Variants in TENM3 observed in about 807,000 individuals in gnomAD.
TENM3 encodes teneurin transmembrane protein 3.
A neutral mutation model predicts 255.1 loss-of-function variants in TENM3; 63 were observed. That is an observed-to-expected ratio of 0.25 (90% CI 0.20 to 0.30). The LOEUF (loss-of-function observed/expected upper bound fraction) is 0.30. Ranked by LOEUF, TENM3 falls within the 10% of genes least tolerant of loss-of-function variation. The pLI is 1.00. For synonymous variants in TENM3, 1,306 were observed against 1,322.3 expected (o/e 0.99, Z 0.27); for missense variants, 2,929 against 3,461.1 (o/e 0.85, Z 3.86).
chr4:182,073,069 T>G, the TENM3 span, among the ~76,000 whole-genome samples: 1 of 152,142 alleles, frequency 6.6e-6, no homozygotes, highest in East Asian at 1.9e-4. Context: ...CTGGGTAATT[T>G]ATATAAAGAA....
At chr4:182,098,531 A>C in the TENM3 span, among the ~76,000 whole-genome samples, 4 of 152,248 alleles carry the variant, frequency 2.6e-5, no homozygotes, top group African/African-American at 7.2e-5. Context: ...GGTCATTTGC[A>C]ACACCACTGG....
At chr4:182,020,607 C>A in the TENM3 span, among the ~76,000 whole-genome samples, 1 of 152,172 alleles carries the variant, frequency 6.6e-6, no homozygotes, top group African/African-American at 2.4e-5. Context: ...GCTAATTACC[C>A]TGATTTGATC....
chr4:182,519,195 A>C (rs563306886), intron 3 of TENM3, among the ~76,000 whole-genome samples: 1 of 152,298 alleles, frequency 6.6e-6, no homozygotes, highest in East Asian at 1.9e-4. Flanking sequence ...TATGTCAATT[A>C]TTGTTATGTA....
At position 182,395,397 on chromosome 4, in the gene TENM3, A is replaced by G. The variant is rs75135566; in HGVS notation, c.511+48468A>G. 1.8e-4 allele frequency among the ~76,000 whole-genome samples: 27 copies of G among 152,312 alleles called. No homozygotes were observed. In the East Asian group the frequency reaches 4.6e-3, roughly 26 times the overall value. On this transcript the variant is annotated intron_variant, in intron 3 of 27. Transcript: ENST00000511685. Reference sequence around the variant, plus strand: ...TTTAGGGAGTACTGATTAATAGAGGATTAAAAAATAAAAATTAGTTTGGGT... The same window carrying G: ...TTTAGGGAGTACTGATTAATAGAGGGTTAAAAAATAAAAATTAGTTTGGGT...
chr4:182,430,800 T>A (rs1771571324), intron 3 of TENM3, among the ~76,000 whole-genome samples: 1 of 151,444 alleles, frequency 6.6e-6, no homozygotes, highest in Non-Finnish European at 1.5e-5. Flanking sequence ...TCACCTGAGG[T>A]CAGGTGTTTG....
At chr4:181,708,190 A>G in the TENM3 span, among the ~76,000 whole-genome samples, 1 of 152,236 alleles carries the variant, frequency 6.6e-6, no homozygotes, top group Non-Finnish European at 1.5e-5. Context: ...GTCTAATTAT[A>G]GCAGCATGGG....
rs530116893 is a variant in TENM3, at chr4:182,355,900, T to TTA, written c.511+8981_511+8982dup. On this transcript the variant is annotated intron_variant, in intron 3 of 27. Transcript: ENST00000511685. ...CAAGTTTCAGTAATTTATTAGCCAA[T>TTA]TATATATATATTATATATATATATA... 2.9e-3 allele frequency among the ~76,000 whole-genome samples: 428 copies of TTA among 149,266 alleles called. 1 individual carries two copies. Among genetic ancestry groups the TTA allele is most frequent in the South Asian group, 9.3e-3 (44 of 4,752 alleles).
At chr4:182,419,254 C>A (rs953015030) in intron 3 of TENM3, among the ~76,000 whole-genome samples, 2 of 152,122 alleles carry the variant, frequency 1.3e-5, no homozygotes, top group South Asian at 2.1e-4. Flanking sequence ...ATGCAGCCAA[C>A]AGACACATGA....
intron 1 of TENM3, among the ~76,000 whole-genome samples, chr4:182,311,732 C>T (rs1055354501): frequency 1.3e-5 from 2 of 152,166 alleles, no homozygotes; most frequent in African/African-American, 4.8e-5. Context: ...AATAATTCGT[C>T]AAGGAGCTTT....
intron 3 of TENM3, among the ~76,000 whole-genome samples, chr4:182,475,142 C>T (rs1040642383): frequency 4.4e-4 from 67 of 152,276 alleles, no homozygotes; most frequent in African/African-American, 1.6e-3. Flanking sequence ...AAATTCCTCA[C>T]TATTTCTGGA....
chr4:181,982,816 T>C, the TENM3 span, among the ~76,000 whole-genome samples: 1 of 152,184 alleles, frequency 6.6e-6, no homozygotes. Context: ...CACACTTTCA[T>C]CCAGTATTCT....
chr4:182,671,447 A>G (rs1329291638), intron 6 of TENM3, among the ~76,000 whole-genome samples: 1 of 152,074 alleles, frequency 6.6e-6, no homozygotes, highest in African/African-American at 2.4e-5. Context: ...CCTGTTCCTC[A>G]ATGTTTACCA....
chr4:182,633,994 T>C (rs893515293), intron 5 of TENM3, among the ~76,000 whole-genome samples: 2 of 152,136 alleles, frequency 1.3e-5, no homozygotes, highest in African/African-American at 4.8e-5. Context: ...AAGATGCACG[T>C]CCTGATTTAG....
the TENM3 span, among the ~76,000 whole-genome samples, chr4:181,872,757 G>T: frequency 6.6e-6 from 1 of 152,094 alleles, no homozygotes; most frequent in African/African-American, 2.4e-5. Context: ...AGAACGGACA[G>T]AGGTATTGAA....
chr4:182,493,739 A>G (rs1483565371), intron 3 of TENM3, among the ~76,000 whole-genome samples: 2 of 152,152 alleles, frequency 1.3e-5, no homozygotes, highest in Non-Finnish European at 1.5e-5. Context: ...AATGATCGCT[A>G]TATACATTAA....
chr4:182,066,698 C>T, the TENM3 span, among the ~76,000 whole-genome samples: 3 of 151,484 alleles, frequency 2.0e-5, no homozygotes, highest in East Asian at 1.9e-4. Context: ...ATCACAAGGT[C>T]AGGAGATCGA....
chr4:181,805,139 T>C, the TENM3 span, among the ~76,000 whole-genome samples: 1 of 152,202 alleles, frequency 6.6e-6, no homozygotes, highest in East Asian at 1.9e-4. Context: ...GAAAACCTGA[T>C]CATATGAACA....
chr4:181,753,677 C>T, the TENM3 span, among the ~76,000 whole-genome samples: 2 of 152,194 alleles, frequency 1.3e-5, no homozygotes, highest in African/African-American at 4.8e-5. Context: ...CAAACAGACC[C>T]TGTTGAAAAG....
At chr4:182,339,594 C>G (rs1764353548) in intron 2 of TENM3, among the ~76,000 whole-genome samples, 2 of 152,134 alleles carry the variant, frequency 1.3e-5, no homozygotes, top group Non-Finnish European at 2.9e-5. Context: ...AATCCTTTCC[C>G]CCTGCCTCGG....
Sources: gnomAD v4.1 joint callset for allele counts (sites outside exome capture counted in the v4.1 genomes callset) on GRCh38, gnomAD v4.1.1 for gene constraint, MANE v1.5 for transcripts, NCBI Gene and HGNC (gene_info 2026-07-23, HGNC 2026-07-21) for gene names.